Variants in SOS1 observed in about 807,000 individuals in gnomAD.
SOS1 encodes the protein son of sevenless homolog 1.
SOS1 carries 25 observed loss-of-function variants against 157.6 expected under a neutral mutation model. That is an observed-to-expected ratio of 0.16 (90% CI 0.12 to 0.22). The LOEUF (loss-of-function observed/expected upper bound fraction) is 0.22, where lower values mean the gene tolerates loss of function less well. SOS1 is among the 10% of genes least tolerant of loss of function. The pLI is 1.00. For synonymous variants in SOS1, 528 were observed against 534.0 expected (o/e 0.99, Z 0.16); for missense variants, 1,237 against 1,599.1 (o/e 0.77, Z 3.86).
intron 1 of SOS1, among the ~76,000 whole-genome samples, chr2:39,081,022 C>CAA (rs764166715): frequency 1.4e-5 from 2 of 145,750 alleles, no homozygotes; most frequent in Non-Finnish European, 1.5e-5. Context: ...CTTGTCTCTC[C>CAA]AAAAAAAAAA....
At chr2:39,115,872 G>A (rs1222048433) in intron 1 of SOS1, among the ~76,000 whole-genome samples, 2 of 152,162 alleles carry the variant, frequency 1.3e-5, no homozygotes, top group African/African-American at 4.8e-5. Flanking sequence ...TCATGTATAA[G>A]TCTTTGTATA....
At chr2:38,996,676 TA>T (rs1322558684) in intron 19 of SOS1, among the ~76,000 whole-genome samples, 3 of 152,144 alleles carry the variant, frequency 2.0e-5, no homozygotes, top group East Asian at 1.9e-4. Context: ...TTTTTTGGGG[TA>T]AAAAAAATTA....
intron 17 of SOS1, among the ~76,000 whole-genome samples, chr2:39,005,549 A>G (rs780376551): frequency 2.0e-5 from 3 of 152,184 alleles, no homozygotes; most frequent in Non-Finnish European, 4.4e-5. Context: ...TATGCACATC[A>G]TACAATTACA....
At chr2:39,063,613 T>G (rs1671488170) in intron 2 of SOS1, among the ~76,000 whole-genome samples, 1 of 152,198 alleles carries the variant, frequency 6.6e-6, no homozygotes, top group African/African-American at 2.4e-5. Context: ...TAATCTGTAG[T>G]ACAATTTATC....
chr2:39,110,313 AT>A (rs1394307936), intron 1 of SOS1, among the ~76,000 whole-genome samples: 1 of 152,194 alleles, frequency 6.6e-6, no homozygotes, highest in Non-Finnish European at 1.5e-5. Flanking sequence ...GACCAAAAAA[AT>A]CTGTACAAAT....
chr2:39,053,802 T>G (rs1671109411), intron 5 of SOS1, among the ~76,000 whole-genome samples: 1 of 152,218 alleles, frequency 6.6e-6, no homozygotes, highest in Non-Finnish European at 1.5e-5. Flanking sequence ...TCAATGTTAC[T>G]GGCCCCTTCC....
intron 6 of SOS1, among the ~76,000 whole-genome samples, chr2:39,046,320 C>G (rs1670782067): frequency 6.6e-6 from 1 of 152,020 alleles, no homozygotes; most frequent in South Asian, 2.1e-4. Context: ...ATTCTTCTAT[C>G]ACAAATACAA....
chr2:39,023,976 A>G lies in SOS1; in HGVS notation c.1202+34T>C, dbSNP rs745363337. On this transcript the variant is annotated intron_variant, in intron 9 of 22. Coordinates refer to ENST00000402219, the MANE Select transcript of SOS1 (RefSeq NM_005633.4). ...TGAATTTACACCACAATATTCAGGG[A>G]AAAAAGGATATTTTAAAAAGTAAAA... 3.3e-6 allele frequency: 5 copies of G among 1,503,342 alleles called. No homozygotes were observed. In the South Asian group the frequency reaches 5.7e-5, roughly 17 times the overall value. The allele number at this position is 1,503,342 out of a possible 1,614,324, so 93.1% of individuals were successfully genotyped here. A position where few individuals can be genotyped will look rare whatever the true frequency, so the allele number is the denominator to read the frequency against.
At chr2:39,091,011 G>A (rs957850974) in intron 1 of SOS1, among the ~76,000 whole-genome samples, 18 of 152,056 alleles carry the variant, frequency 1.2e-4, no homozygotes, top group East Asian at 7.7e-4. Flanking sequence ...TGGGACTACC[G>A]GTGCACGCCA....
At chr2:39,118,101 A>C (rs1313268248) in intron 1 of SOS1, among the ~76,000 whole-genome samples, 1 of 152,216 alleles carries the variant, frequency 6.6e-6, no homozygotes, top group East Asian at 1.9e-4. Flanking sequence ...CTTAAAATTC[A>C]CAGAGCTAGG....
rs545568958 is a variant in SOS1, at chr2:38,994,423, CAG to C, written c.3346+698_3346+699del. On this transcript the variant is annotated intron_variant, in intron 20 of 22. Coordinates refer to ENST00000402219, the MANE Select transcript of SOS1 (RefSeq NM_005633.4). The stretch of plus-strand genomic sequence containing the variant: ...TGTATTAGCAGCCATTATATACCAT[CAG>C]GGGACCACTGGGTAGACGAAAAGGG... 1.6e-3 allele frequency among the ~76,000 whole-genome samples: 251 copies of C among 152,266 alleles called. 1 individual carries two copies. The highest frequency in any genetic ancestry group is 5.7e-3 in the African/African-American group (235 of 41,544).
At chr2:39,050,946 T>A (rs1046794645) in intron 6 of SOS1, among the ~76,000 whole-genome samples, 198 bp downstream of exon 6, 1 of 152,146 alleles carries the variant, frequency 6.6e-6, no homozygotes, top group Non-Finnish European at 1.5e-5. Context: ...TTTCTATAAT[T>A]AACAAGAGAC....
chr2:39,102,204 CAAAAAAAA>C (rs58865034), intron 1 of SOS1, among the ~76,000 whole-genome samples: 1,121 of 23,766 alleles, frequency 0.047, 30 homozygotes, highest in Middle Eastern at 0.1. Context: ...GACTCTGTCT[CAAAAAAAA>C]AAAAAAAAAA....
chr2:39,085,613 A>T (rs535714229), intron 1 of SOS1, among the ~76,000 whole-genome samples: 1 of 152,234 alleles, frequency 6.6e-6, no homozygotes. Context: ...AACTTCTCCA[A>T]ATGAATCACG....
At chr2:39,093,991 A>C (rs545829584) in intron 1 of SOS1, among the ~76,000 whole-genome samples, 67 of 152,322 alleles carry the variant, frequency 4.4e-4, no homozygotes, top group African/African-American at 1.6e-3. Context: ...TCAAATATTG[A>C]ATGTAGGAGG....
In SOS1 at chr2:38,989,257, C is replaced by A; in HGVS notation, c.3391+13G>T. 6.3e-7 allele frequency: 1 copy of A among 1,574,886 alleles called. No individual in the cohort carries two copies. The highest frequency in any genetic ancestry group is 1.1e-5 in the South Asian group (1 of 90,248). On this transcript the variant is annotated intron_variant, in intron 21 of 22. Transcript: ENST00000402219. ...AAAGCAAGAATTATGAGTCTTAAAC[C>A]AAATATACTAACTTGGGCCATGGGG...
At chr2:39,073,879 C>G (rs535066503) in intron 1 of SOS1, among the ~76,000 whole-genome samples, 1 of 152,210 alleles carries the variant, frequency 6.6e-6, no homozygotes, top group African/African-American at 2.4e-5. Context: ...GAGCTCAGAT[C>G]TGTTACTTTT....
Position 39,010,598 on chromosome 2 carries a change from A to T in SOS1, c.2496T>A (p.Thr832=). ...GGAATACTTACTTCTCAAACCACAG[A>T]GTGAGGTTGGTGGTATGTCGAATCA... ...LKMIRHTTNL[T]LWFEKCIVET... Residue 832 remains threonine (T), a synonymous_variant, in exon 15 of 23, where the codon ACT becomes ACA. Transcript: ENST00000402219. 1 of 1,610,190 alleles carries T rather than the reference A, an allele frequency of 6.2e-7. No individual in the cohort carries two copies. Among genetic ancestry groups the T allele is most frequent in the Non-Finnish European group, 8.5e-7 (1 of 1,176,468 alleles).
At chr2:39,025,519 T>A in intron 8 of SOS1, among the ~76,000 whole-genome samples, 1 of 150,378 alleles carries the variant, frequency 6.6e-6, no homozygotes. Context: ...CTGACTGATT[T>A]TTTTTTTTTT....
Sources: allele counts gnomAD v4.1 joint callset (sites outside exome capture counted in the v4.1 genomes callset), GRCh38; gene constraint gnomAD v4.1.1; transcripts MANE v1.5; gene names NCBI Gene and HGNC (gene_info 2026-07-23, HGNC 2026-07-21).